The following JAZF1 variants were observed in gnomAD, a reference collection of about 807,000 sequenced individuals.
JAZF1 encodes juxtaposed with another zinc finger protein 1.
A neutral mutation model predicts 26.4 loss-of-function variants in JAZF1; 8 were observed. The observed-to-expected ratio is 0.30, with a 90% CI of 0.18 to 0.55. JAZF1 has a LOEUF of 0.55. Among genes scored for constraint, JAZF1 ranks in the 20% least tolerant of loss-of-function variants. The pLI, the probability that JAZF1 is intolerant of heterozygous loss-of-function variation, is 0.94. For missense variants in JAZF1, 199 were observed against 322.0 expected (o/e 0.62, Z 2.92); for synonymous variants, 126 against 122.3 (o/e 1.03, Z -0.20).
chr7:27,847,553 T>C (rs573393285), intron 3 of JAZF1, among the ~76,000 whole-genome samples: 3 of 152,222 alleles, frequency 2.0e-5, no homozygotes, highest in Non-Finnish European at 2.9e-5. Context: ...TTCCCCATTG[T>C]GTTCCCTCTG....
intron 3 of JAZF1, among the ~76,000 whole-genome samples, chr7:27,876,030 T>G (rs1783673006): frequency 6.6e-6 from 1 of 152,202 alleles, no homozygotes; most frequent in Non-Finnish European, 1.5e-5. Flanking sequence ...TTCCTAGCAG[T>G]GTGGCCTGGG....
At chr7:27,895,531 CA>C (rs1358478045) in intron 2 of JAZF1, 115 bp from the exon 3 acceptor site, 8 of 566,388 alleles carry the variant, frequency 1.4e-5, no homozygotes, top group Non-Finnish European at 2.3e-5. Context: ...GGCCACAGGT[CA>C]GTCCCAATCT....
chr7:27,866,918 C>T (rs1308517442), intron 3 of JAZF1, among the ~76,000 whole-genome samples: 5 of 152,206 alleles, frequency 3.3e-5, no homozygotes, highest in African/African-American at 1.2e-4. Context: ...GGGCAGACTG[C>T]ATCACACCGT....
At chr7:28,161,536 T>A (rs1182983949) in intron 1 of JAZF1, among the ~76,000 whole-genome samples, 1 of 152,190 alleles carries the variant, frequency 6.6e-6, no homozygotes, top group Non-Finnish European at 1.5e-5. Context: ...CATGTGCTAA[T>A]GGGGGCTTTG....
In JAZF1 at chr7:27,840,471, C is replaced by T. The variant is rs751179794; in HGVS notation, c.555+227G>A. Among the ~76,000 whole-genome samples the T allele has an allele frequency of 3.9e-5, 6 of 152,234 alleles. No individual in the cohort carries two copies. The highest frequency in any genetic ancestry group is 1.2e-4 in the African/African-American group (5 of 41,466). On this transcript the variant is annotated intron_variant, in intron 4 of 4. Transcript: ENST00000283928. The surrounding 1 kb of genome is among the most constrained non-coding windows in gnomAD (Gnocchi z 5.1). ...CTCTCTCTTGACTGCCAGGCTCCCACGTAGGTGAGCAGAGGGGAAAGCCCC... is the reference window on the plus strand; with the variant it reads ...CTCTCTCTTGACTGCCAGGCTCCCATGTAGGTGAGCAGAGGGGAAAGCCCC...
At chr7:28,034,723 T>A (rs1238958944) in intron 1 of JAZF1, among the ~76,000 whole-genome samples, 1 of 152,170 alleles carries the variant, frequency 6.6e-6, no homozygotes, top group Admixed American at 6.5e-5. Flanking sequence ...ACAAGTCTTT[T>A]GAATTAAAAT....
rs140585024 is a variant in JAZF1 at position 27,888,851 on chromosome 7, G to A, written c.385+6369C>T. 2.0e-3 allele frequency among the ~76,000 whole-genome samples: 302 copies of A among 152,086 alleles called. 2 individuals carry two copies. The highest frequency in any genetic ancestry group is 6.3e-3 in the African/African-American group (261 of 41,488). Reference sequence around the variant, plus strand: ...ACTTGAATTTTCCCCCCCAGAGTGCGCCAAAATATATATACAAATATTTTC... The same window carrying A: ...ACTTGAATTTTCCCCCCCAGAGTGCACCAAAATATATATACAAATATTTTC... On this transcript the variant is annotated intron_variant, in intron 3 of 4. Transcript: ENST00000283928.
At chr7:27,908,396 G>A (rs1035661825) in intron 2 of JAZF1, among the ~76,000 whole-genome samples, 1 of 152,198 alleles carries the variant, frequency 6.6e-6, no homozygotes. Context: ...ATGTGCATGT[G>A]GGCATCTCAA....
At chr7:27,946,328 A>T (rs1784924103) in intron 2 of JAZF1, among the ~76,000 whole-genome samples, 1 of 152,250 alleles carries the variant, frequency 6.6e-6, no homozygotes, top group Non-Finnish European at 1.5e-5. Flanking sequence ...CCAAATAAAG[A>T]TATGTAATTT....
intron 3 of JAZF1, among the ~76,000 whole-genome samples, chr7:27,888,417 T>C (rs1364412091): frequency 6.6e-6 from 1 of 152,180 alleles, no homozygotes; most frequent in Admixed American, 6.5e-5. Context: ...CTGTCTGGGA[T>C]TTTTTGTCCT....
At chr7:28,128,670 C>A (rs1426210284) in intron 1 of JAZF1, among the ~76,000 whole-genome samples, 1 of 152,156 alleles carries the variant, frequency 6.6e-6, no homozygotes, top group African/African-American at 2.4e-5. Context: ...CAGGCCAATT[C>A]AGCAAGAAGG....
intron 1 of JAZF1, among the ~76,000 whole-genome samples, chr7:28,135,568 C>A (rs927153034): frequency 6.6e-6 from 1 of 152,058 alleles, no homozygotes; most frequent in African/African-American, 2.4e-5. Context: ...ATCTGATAAC[C>A]GCCCCCCACA....
At chr7:28,003,449 A>G (rs918086942) in intron 1 of JAZF1, among the ~76,000 whole-genome samples, 1 of 152,204 alleles carries the variant, frequency 6.6e-6, no homozygotes, top group Non-Finnish European at 1.5e-5. Context: ...AATGAAGCAA[A>G]TTGCACATGC....
At chr7:27,856,144 C>T (rs569335805) in intron 3 of JAZF1, among the ~76,000 whole-genome samples, 23 of 152,256 alleles carry the variant, frequency 1.5e-4, no homozygotes, top group South Asian at 8.3e-4. Context: ...GTGGTGTGTC[C>T]GGAGTTTGTT....
At chr7:28,055,204 TTCTAG>T (rs977520283) in intron 1 of JAZF1, among the ~76,000 whole-genome samples, 7 of 152,180 alleles carry the variant, frequency 4.6e-5, no homozygotes, top group Non-Finnish European at 7.4e-5. Context: ...TGTCTCCAAC[TTCTAG>T]TCTAGTCTCT....
intron 1 of JAZF1, among the ~76,000 whole-genome samples, chr7:28,063,829 A>G (rs1179546235): frequency 1.3e-5 from 2 of 152,182 alleles, no homozygotes; most frequent in Admixed American, 1.3e-4. Context: ...TTTTACAACT[A>G]TATTTATAGT....
In JAZF1 at chr7:27,851,179, G is replaced by A. The variant is rs182361416; in HGVS notation, c.386-10312C>T. On this transcript the variant is annotated intron_variant, in intron 3 of 4. Transcript: ENST00000283928. ...GCTGGTCTTGAACCCCTAACCTTAG[G>A]TGATCCACCCGCCTCGGCCTCCCAA... 7.8e-3 allele frequency among the ~76,000 whole-genome samples: 1,188 copies of A among 152,284 alleles called. 13 individuals are homozygous for A. Among genetic ancestry groups the A allele is most frequent in the Middle Eastern group, 0.027 (8 of 294 alleles).
At chr7:28,175,497 C>T (rs1783536020) in intron 1 of JAZF1, among the ~76,000 whole-genome samples, 3 of 152,186 alleles carry the variant, frequency 2.0e-5, no homozygotes, top group Admixed American at 2.0e-4. Context: ...TCCTCACTAA[C>T]CACTCCGTGA....
intron 2 of JAZF1, among the ~76,000 whole-genome samples, chr7:27,954,130 C>T (rs988546240): frequency 7.2e-5 from 11 of 152,216 alleles, no homozygotes; most frequent in African/African-American, 1.9e-4. Flanking sequence ...ATCCTAGAGG[C>T]TTCTGATAGA....
Sources: allele counts gnomAD v4.1 joint callset (sites outside exome capture counted in the v4.1 genomes callset), GRCh38; gene constraint gnomAD v4.1.1; non-coding constraint Gnocchi (gnomAD v3.1); transcripts MANE v1.5; gene names NCBI Gene and HGNC (gene_info 2026-07-23, HGNC 2026-07-21).